The following IRF8 variants were observed in gnomAD, a reference collection of about 807,000 sequenced individuals.
IRF8 encodes interferon regulatory factor 8, also known as interferon consensus sequence binding protein 1.
IRF8 carries 14 observed loss-of-function variants against 48.7 expected under a neutral mutation model. The ratio of observed to expected loss-of-function variants is 0.29; its 90% CI spans 0.19 to 0.45. The LOEUF is 0.45. Ranked by LOEUF, IRF8 falls within the 20% of genes least tolerant of loss-of-function variation. The pLI is 1.00. For missense variants in IRF8, 493 were observed against 580.7 expected, an observed-to-expected ratio of 0.85 and a Z score of 1.55; for synonymous variants, 278 against 227.3, an observed-to-expected ratio of 1.22 and a Z score of -2.01.
At chr16:85,906,426 G>C (rs897143817) in intron 2 of IRF8, among the ~76,000 whole-genome samples, 3 of 152,186 alleles carry the variant, frequency 2.0e-5, no homozygotes, top group Non-Finnish European at 2.9e-5. Context: ...AAGCTAAGTT[G>C]ACCTTTTAAT....
At chr16:85,903,993 A>G (rs930770096) in intron 2 of IRF8, among the ~76,000 whole-genome samples, 6 of 152,322 alleles carry the variant, frequency 3.9e-5, no homozygotes, top group African/African-American at 1.2e-4. Context: ...CTAGATTCAG[A>G]CAGAGGAACC....
chr16:85,904,506 G>GTC (rs1248626238), intron 2 of IRF8, among the ~76,000 whole-genome samples: 2 of 152,220 alleles, frequency 1.3e-5, no homozygotes, highest in Non-Finnish European at 2.9e-5. Flanking sequence ...GGTCCTGCAC[G>GTC]TCTCTGCCTG....
rs1001821192 is a variant in IRF8 at position 85,922,557 on chromosome 16, G to T, written c.*1275G>T. The T allele has an allele frequency of 6.6e-6, 1 of 152,232 alleles. No individual in the cohort carries two copies. The highest frequency in any genetic ancestry group is 2.4e-5 in the African/African-American group (1 of 41,420). The allele number at this position is 152,232 out of a possible 1,614,324, so 9.4% of individuals were successfully genotyped here. The stretch of plus-strand genomic sequence containing the variant: ...ATTTATTTTTGTATCCATTAAAACA[G>T]TATATTGATCTCTTTTATTCTTTAT... On this transcript the variant is annotated 3_prime_UTR_variant, in exon 9 of 9. Coordinates refer to ENST00000268638, the MANE Select transcript of IRF8 (RefSeq NM_002163.4).
chr16:85,908,890 T>C (rs305079), intron 2 of IRF8, 100 bp from the exon 3 acceptor site: 61,507 of 1,040,518 alleles, frequency 0.059, 4,731 homozygotes, highest in African/African-American at 0.34. Context: ...CCAACAAAGA[T>C]TCATGGGAAG....
chr16:85,918,165 A>G (rs1905381640), intron 6 of IRF8, among the ~76,000 whole-genome samples: 1 of 152,228 alleles, frequency 6.6e-6, no homozygotes, highest in African/African-American at 2.4e-5. Context: ...TTAAAGAGTC[A>G]GTGAAGAAGT....
chr16:85,904,710 C>T (rs544006262), intron 2 of IRF8, among the ~76,000 whole-genome samples: 2 of 152,086 alleles, frequency 1.3e-5, no homozygotes, highest in Non-Finnish European at 2.9e-5. Flanking sequence ...TGATCAAGGA[C>T]CCCAGGTCAG....
At chr16:85,908,190 G>A (rs1905056654) in intron 2 of IRF8, among the ~76,000 whole-genome samples, 1 of 152,210 alleles carries the variant, frequency 6.6e-6, no homozygotes, top group Admixed American at 6.5e-5. Flanking sequence ...TGAAACCGAA[G>A]ATAATTCTCA....
Position 85,903,180 on chromosome 16 carries a change from C to A in IRF8, c.165C>A (p.Ser55=), listed in dbSNP as rs1246022579. The A allele has an allele frequency of 6.2e-7, 1 of 1,613,848 alleles. No homozygotes were observed. Among genetic ancestry groups the A allele is most frequent in the Non-Finnish European group, 8.5e-7 (1 of 1,179,940 alleles). Residue 55 remains serine, a synonymous_variant, in exon 2 of 9, where the codon TCC becomes TCA. Transcript: ENST00000268638. ...ATTATAATCAGGAAGTGGATGCCTC[C>A]ATTTTTAAGGTAAAGAGCCCAGCTC... ...KQDYNQEVDA[S]IFKAWAVFKG... is the part of the protein sequence containing the mutation.
chr16:85,916,523 G>T (rs1567476126), intron 6 of IRF8, among the ~76,000 whole-genome samples: 1 of 152,206 alleles, frequency 6.6e-6, no homozygotes, highest in Non-Finnish European at 1.5e-5. Context: ...AAGCCTGACA[G>T]CTGGAACCTT....
intron 6 of IRF8, among the ~76,000 whole-genome samples, chr16:85,917,781 C>T (rs1034070509): frequency 6.6e-6 from 1 of 152,206 alleles, no homozygotes; most frequent in African/African-American, 2.4e-5. Flanking sequence ...CTTGTGATTA[C>T]ATGTATCACC....
intron 6 of IRF8, 130 bp downstream of exon 6, chr16:85,914,650 A>C (rs1905245918): frequency 9.7e-7 from 1 of 1,030,040 alleles, no homozygotes; most frequent in Admixed American, 2.0e-5. Flanking sequence ...GGTTCCAAGG[A>C]TGAGCAGGAC....
intron 1 of IRF8, 152 bp from the exon 2 acceptor site, chr16:85,902,863 G>A (rs1212226857): frequency 2.5e-6 from 2 of 793,156 alleles, no homozygotes; most frequent in Non-Finnish European, 4.4e-6. Context: ...GCCTTCTCAT[G>A]GCAGGTGTCC....
intron 7 of IRF8, 32 bp downstream of exon 7, chr16:85,918,835 A>T (rs762523787): frequency 1.2e-6 from 2 of 1,601,744 alleles, no homozygotes; most frequent in Non-Finnish European, 8.5e-7. Context: ...CTGCCCCCAC[A>T]TCTTAGAGAT....
chr16:85,899,457 T>G (rs1026502317), intron 1 of IRF8, among the ~76,000 whole-genome samples: 5 of 152,362 alleles, frequency 3.3e-5, no homozygotes, highest in South Asian at 2.1e-4. Context: ...GGTAGATAGA[T>G]GCCTTTTTAA....
chr16:85,921,114 G>A lies in IRF8; in HGVS notation c.1113G>A (p.Gln371=). 3 of 1,613,246 alleles carry A rather than the reference G, an allele frequency of 1.9e-6. No homozygotes were observed. Among genetic ancestry groups the A allele is most frequent in the Non-Finnish European group, 2.5e-6 (3 of 1,179,620 alleles). ...CTGCACCTCCCATCTAGATTGAGCA[G>A]CTGTATGTCCGGCAACTGGCAGAAG... is the stretch of plus-strand genomic sequence containing the variant. The part of the protein sequence containing the change: ...RSKLILVQIE[Q]LYVRQLAEEA... The change falls in exon 9 of 9, where the codon CAG becomes CAA. Residue 371 remains glutamine (Q), a synonymous_variant. Transcript: ENST00000268638.
intron 4 of IRF8, among the ~76,000 whole-genome samples, chr16:85,912,679 A>G (rs1315120243): frequency 2.6e-5 from 4 of 152,246 alleles, no homozygotes; most frequent in African/African-American, 9.6e-5. Flanking sequence ...ACATTTCATA[A>G]TTGGATTTAT....
intron 7 of IRF8, among the ~76,000 whole-genome samples, chr16:85,919,400 G>T (rs912331865): frequency 2.0e-5 from 3 of 152,140 alleles, no homozygotes; most frequent in Non-Finnish European, 4.4e-5. Context: ...TCCTCTCCCT[G>T]TAGCAGCACA....
At chr16:85,900,922 T>G (rs895861654) in intron 1 of IRF8, 2 of 152,208 alleles carry the variant, frequency 1.3e-5, no homozygotes, top group Non-Finnish European at 2.9e-5. Context: ...TTGCTTTTGG[T>G]TGCAGGAGGC....
rs751949620 is a variant in IRF8 at position 85,918,690 on chromosome 16, T to G, written c.875T>G (p.Leu292Arg). The G allele has an allele frequency of 1.2e-6, 2 of 1,612,008 alleles. No individual in the cohort carries two copies. The highest frequency in any genetic ancestry group is 2.2e-5 in the South Asian group (2 of 91,064). Residue 292 changes from leucine to arginine, a missense_variant, in exon 7 of 9, where the codon CTG becomes CGG. Leu to Arg is a moderately radical substitution (Grantham distance 102). Around this residue, in one of 3 missense-constraint regions of IRF8, gnomAD observed 408 missense variants for 449.6 expected, o/e 0.91. Coordinates refer to ENST00000268638, the MANE Select transcript of IRF8 (RefSeq NM_002163.4). ...CGGCAGGGCGTGTTCGTCAAGCGGC[T>G]GTGCCAGGGCCGCGTGTTCTGCAGC... ...SSRQGVFVKR[L>R]CQGRVFCSGN...
Sources: allele counts gnomAD v4.1 joint callset (sites outside exome capture counted in the v4.1 genomes callset), GRCh38; gene constraint gnomAD v4.1.1; regional missense constraint gnomAD v4.1.1; transcripts MANE v1.5; gene names NCBI Gene and HGNC (gene_info 2026-07-23, HGNC 2026-07-21).